Variants in PPFIA2 observed in about 807,000 individuals in gnomAD.
PPFIA2 encodes liprin-alpha-2.
PPFIA2 carries 46 observed loss-of-function variants against 175.5 expected under a neutral mutation model. The observed-to-expected ratio is 0.26, with a 90% CI of 0.21 to 0.34. PPFIA2 has a LOEUF of 0.34. Among genes scored for constraint, PPFIA2 ranks in the 10% least tolerant of loss-of-function variants. The pLI is 1.00. For missense variants in PPFIA2, 1,179 were observed against 1,506.1 expected (o/e 0.78, Z 3.60); for synonymous variants, 568 against 511.4 (o/e 1.11, Z -1.49).
At chr12:81,690,775 G>A (rs1311870811) in intron 3 of PPFIA2, among the ~76,000 whole-genome samples, 1 of 152,032 alleles carries the variant, frequency 6.6e-6, no homozygotes, top group Non-Finnish European at 1.5e-5. Flanking sequence ...GTTGGCAGGG[G>A]CTATGTTCCT....
chr12:81,695,640 CT>C (rs1474256783), intron 3 of PPFIA2, among the ~76,000 whole-genome samples: 7 of 152,114 alleles, frequency 4.6e-5, no homozygotes, highest in Admixed American at 3.9e-4. Context: ...ATACAAGATA[CT>C]TTTTAAAAAA....
At chr12:81,479,601 C>T (rs186710456) in intron 4 of PPFIA2, among the ~76,000 whole-genome samples, 16 of 152,200 alleles carry the variant, frequency 1.1e-4, no homozygotes, top group African/African-American at 3.1e-4. Context: ...CCTTCAGGAG[C>T]GCTTGTAAGG....
chr12:81,695,893 A>T (rs1389987271), intron 3 of PPFIA2, among the ~76,000 whole-genome samples: 1 of 152,142 alleles, frequency 6.6e-6, no homozygotes, highest in Non-Finnish European at 1.5e-5. Context: ...GTGCTATGTT[A>T]TATAATTGTC....
In PPFIA2 at chr12:81,347,629, C is replaced by A. The variant is rs1304934246; in HGVS notation, c.2136G>T (p.Ser712=). 6.2e-7 allele frequency: 1 copy of A among 1,613,712 alleles called. No individual in the cohort carries two copies. Among genetic ancestry groups the A allele is most frequent in the Non-Finnish European group, 8.5e-7 (1 of 1,179,772 alleles). The part of the protein sequence containing the change: ...TSITASVTAS[S]LASSSPPSGH... ...CACTGGGGGGAGATGAACTGGCCAG[C>A]GATGAAGCTGTAACAGAGGCAGTAA... is the stretch of plus-strand genomic sequence containing the variant. The change falls in exon 18 of 33, where the codon TCG becomes TCT. Residue 712 remains serine, a synonymous_variant. Transcript: ENST00000549396.
chr12:81,576,070 C>A (rs1359246347), intron 4 of PPFIA2, among the ~76,000 whole-genome samples: 1 of 151,388 alleles, frequency 6.6e-6, no homozygotes, highest in Non-Finnish European at 1.5e-5. Context: ...CATAGCCATC[C>A]CATTTCACGT....
At chr12:81,645,549 A>G (rs1253878909) in intron 4 of PPFIA2, among the ~76,000 whole-genome samples, 1 of 152,256 alleles carries the variant, frequency 6.6e-6, no homozygotes, top group Non-Finnish European at 1.5e-5. Flanking sequence ...GCTAAAAATG[A>G]GAAAGAGGTA....
chr12:81,724,611 A>T (rs2079800165), intron 3 of PPFIA2, among the ~76,000 whole-genome samples: 1 of 150,978 alleles, frequency 6.6e-6, no homozygotes, highest in South Asian at 2.1e-4. Context: ...CTAATTTAAG[A>T]CAATGGCCTC....
In PPFIA2 at chr12:81,284,426, C is replaced by G. The variant is rs550688309; in HGVS notation, c.2926-123G>C. The G allele has an allele frequency of 1.3e-5, 9 of 701,496 alleles. No homozygotes were observed. In the African/African-American group the frequency reaches 1.4e-4, roughly 11 times the overall value. 43.5% of individuals were successfully genotyped at this position (701,496 alleles called of 1,614,324 possible). On this transcript the variant is annotated intron_variant, in intron 24 of 32. Transcript: ENST00000549396. ...AATACCACAGTGCCCTTGCCCCTAC[C>G]GTGTGCATGAAAGAGACAGCATGGC... is the stretch of plus-strand genomic sequence containing the variant.
intron 3 of PPFIA2, among the ~76,000 whole-genome samples, chr12:81,713,362 G>A (rs2078198426): frequency 6.6e-6 from 1 of 151,112 alleles, no homozygotes; most frequent in African/African-American, 2.4e-5. Flanking sequence ...AAGTCAGGAA[G>A]ACTGCTTTTG....
chr12:81,727,801 A>G (rs2080290569), intron 3 of PPFIA2, among the ~76,000 whole-genome samples: 1 of 151,406 alleles, frequency 6.6e-6, no homozygotes, highest in Non-Finnish European at 1.5e-5. Context: ...ACATTTTGAG[A>G]AAAATCAATT....
chr12:81,598,664 TTA>T (rs956731164), intron 4 of PPFIA2, among the ~76,000 whole-genome samples: 2 of 151,952 alleles, frequency 1.3e-5, no homozygotes, highest in African/African-American at 4.8e-5. Context: ...GGGAGTTCTT[TTA>T]TAATTTATAG....
In PPFIA2 at chr12:81,275,929, C is replaced by T. The variant is rs568200547; in HGVS notation, c.3310+1388G>A. On this transcript the variant is annotated intron_variant, in intron 28 of 32. Transcript: ENST00000549396. The stretch of plus-strand genomic sequence containing the variant: ...CCTCCCGAGTAGCTGGGACTACAGG[C>T]GCCTGCCACCACGCCCGGCTAATTT... Among the ~76,000 whole-genome samples, 12 of 151,832 alleles carry T rather than the reference C, an allele frequency of 7.9e-5. No homozygotes were observed. In the Middle Eastern group the frequency reaches 0.01, roughly 129 times the overall value.
chr12:81,650,168 C>T (rs12368864), intron 4 of PPFIA2, among the ~76,000 whole-genome samples: 1 of 151,946 alleles, frequency 6.6e-6, no homozygotes, highest in South Asian at 2.1e-4. Flanking sequence ...CGCCACTGCA[C>T]CCAGCTAATT....
At chr12:81,758,637 A>T in intron 1 of PPFIA2, 130 bp from the exon 2 acceptor site, 1 of 339,086 alleles carries the variant, frequency 2.9e-6, no homozygotes, top group Non-Finnish European at 5.9e-6. Context: ...CAAAAGGAGA[A>T]GCGTCCATCG....
At chr12:81,329,456 GT>G (rs1367373326) in intron 21 of PPFIA2, among the ~76,000 whole-genome samples, 2 of 152,122 alleles carry the variant, frequency 1.3e-5, no homozygotes, top group African/African-American at 4.8e-5. Flanking sequence ...CTCCTAAGGT[GT>G]GACAGGCACA....
intron 8 of PPFIA2, among the ~76,000 whole-genome samples, chr12:81,400,474 C>T (rs871801): frequency 5.9e-5 from 9 of 152,084 alleles, no homozygotes; most frequent in East Asian, 1.9e-4. Flanking sequence ...TTAAATTTAC[C>T]GATCTGAGGA....
intron 4 of PPFIA2, among the ~76,000 whole-genome samples, chr12:81,598,613 A>G (rs1304503063): frequency 2.0e-5 from 3 of 151,642 alleles, no homozygotes; most frequent in Non-Finnish European, 4.4e-5. Context: ...ACTTTTCAAC[A>G]AGATGTGATT....
chr12:81,493,772 A>G (rs1013158354), intron 4 of PPFIA2, among the ~76,000 whole-genome samples: 1 of 136,288 alleles, frequency 7.3e-6, no homozygotes, highest in East Asian at 2.2e-4. Context: ...ATATATATAT[A>G]TATATATATA....
At chr12:81,649,497 G>A (rs1595992728) in intron 4 of PPFIA2, among the ~76,000 whole-genome samples, 1 of 152,170 alleles carries the variant, frequency 6.6e-6, no homozygotes, top group East Asian at 1.9e-4. Flanking sequence ...TTTGGCAAAT[G>A]TATGCCATTT....
Sources: gnomAD v4.1 joint callset for allele counts (sites outside exome capture counted in the v4.1 genomes callset) on GRCh38, gnomAD v4.1.1 for gene constraint, MANE v1.5 for transcripts, NCBI Gene and HGNC (gene_info 2026-07-23, HGNC 2026-07-21) for gene names.